The following SPATA16 variants were observed in gnomAD, a reference collection of about 807,000 sequenced individuals.
SPATA16 encodes the protein spermatogenesis-associated protein 16.
Under a neutral mutation model 63.3 loss-of-function variants are expected in SPATA16, and 36 were observed. That is an observed-to-expected ratio of 0.57 (90% CI 0.44 to 0.75). SPATA16 has a LOEUF of 0.75. SPATA16 is among the 30% of genes least tolerant of loss of function. The pLI, the probability that SPATA16 is intolerant of heterozygous loss-of-function variation, is 0.00. For synonymous variants in SPATA16, 203 were observed against 216.7 expected (o/e 0.94, Z 0.56); for missense variants, 646 against 679.3 (o/e 0.95, Z 0.54).
At chr3:172,906,268 T>C (rs1419811857) in intron 10 of SPATA16, among the ~76,000 whole-genome samples, 1 of 152,182 alleles carries the variant, frequency 6.6e-6, no homozygotes, top group Non-Finnish European at 1.5e-5. Flanking sequence ...GGACACATCA[T>C]GCTTCTCAGA....
At chr3:173,140,771 A>G (rs1215800647) in intron 1 of SPATA16, among the ~76,000 whole-genome samples, 3 of 152,174 alleles carry the variant, frequency 2.0e-5, no homozygotes, top group African/African-American at 4.8e-5. Flanking sequence ...ATAAAGCAAA[A>G]CAAAACAAAA....
intron 5 of SPATA16, among the ~76,000 whole-genome samples, chr3:172,968,409 T>C (rs1356062560): frequency 6.6e-6 from 1 of 152,184 alleles, no homozygotes; most frequent in Non-Finnish European, 1.5e-5. Context: ...AATGCTCAAC[T>C]CATTTTCGAA....
At chr3:173,136,769 G>A (rs545723887) in intron 1 of SPATA16, among the ~76,000 whole-genome samples, 1 of 152,230 alleles carries the variant, frequency 6.6e-6, no homozygotes, top group African/African-American at 2.4e-5. Flanking sequence ...AATGACCGCA[G>A]GCTCAGCCTT....
intron 1 of SPATA16, among the ~76,000 whole-genome samples, chr3:173,126,511 T>C (rs927200464): frequency 6.6e-6 from 1 of 152,204 alleles, no homozygotes; most frequent in Non-Finnish European, 1.5e-5. Context: ...GTAAAAGTGA[T>C]CCAAGTTTCT....
At chr3:172,890,162 G>T (rs566487384) in intron 10 of SPATA16, among the ~76,000 whole-genome samples, 1 of 152,238 alleles carries the variant, frequency 6.6e-6, no homozygotes, top group Non-Finnish European at 1.5e-5. Context: ...ATGAGTATTT[G>T]TATAGTCTTG....
intron 8 of SPATA16, among the ~76,000 whole-genome samples, chr3:172,917,786 A>G (rs1289090397): frequency 2.0e-5 from 3 of 152,236 alleles, no homozygotes; most frequent in Admixed American, 2.0e-4. Flanking sequence ...AATCTCCTCT[A>G]AGGAGAAAAA....
At chr3:172,893,248 C>T (rs1285421751) in intron 10 of SPATA16, among the ~76,000 whole-genome samples, 2 of 152,154 alleles carry the variant, frequency 1.3e-5, no homozygotes, top group Non-Finnish European at 2.9e-5. Flanking sequence ...AAAATGAGGT[C>T]CTTAGGGTGG....
In SPATA16 at chr3:173,010,470, GTT is replaced by G. The variant is rs1491293196; in HGVS notation, c.848+9014_848+9015del. 1.8e-3 allele frequency among the ~76,000 whole-genome samples: 266 copies of G among 146,820 alleles called. 2 individuals carry two copies. The highest frequency in any genetic ancestry group is 6.2e-3 in the African/African-American group (246 of 39,374). ...TGTGTGTGTGTGTGTGTGTGTGTGTGTTTGTTTTTGTTTTTGTGGTGGGGCTC... is the reference window on the plus strand; with the variant it reads ...TGTGTGTGTGTGTGTGTGTGTGTGTGTGTTTTTGTTTTTGTGGTGGGGCTC... On this transcript the variant is annotated intron_variant, in intron 4 of 10. Coordinates refer to ENST00000351008, the MANE Select transcript of SPATA16 (RefSeq NM_031955.6).
intron 4 of SPATA16, among the ~76,000 whole-genome samples, chr3:172,999,893 T>C (rs1734777765): frequency 6.6e-6 from 1 of 152,246 alleles, no homozygotes; most frequent in Non-Finnish European, 1.5e-5. Context: ...TTATATTTAG[T>C]TTCCTTGATT....
chr3:172,909,114 A>C (rs1462011302), intron 10 of SPATA16, among the ~76,000 whole-genome samples: 1 of 152,146 alleles, frequency 6.6e-6, no homozygotes. Context: ...CTAGATACCC[A>C]GTGGTTGGGT....
intron 4 of SPATA16, among the ~76,000 whole-genome samples, chr3:172,998,541 T>C (rs1299529652): frequency 6.6e-6 from 1 of 152,186 alleles, no homozygotes. Context: ...TTCCATTTCT[T>C]GTCTTATTGT....
chr3:173,043,973 T>C (rs1735903881), intron 3 of SPATA16, among the ~76,000 whole-genome samples: 1 of 152,160 alleles, frequency 6.6e-6, no homozygotes, highest in Non-Finnish European at 1.5e-5. Context: ...CAGTGATTTG[T>C]ATCATTGTTC....
At chr3:173,089,184 TC>T (rs1226705057) in intron 2 of SPATA16, among the ~76,000 whole-genome samples, 1 of 152,120 alleles carries the variant, frequency 6.6e-6, no homozygotes, top group Non-Finnish European at 1.5e-5. Flanking sequence ...TCAGAATACA[TC>T]CATAGAGAAT....
At chr3:173,068,275 AACT>A (rs1267651140) in intron 2 of SPATA16, among the ~76,000 whole-genome samples, 1 of 152,226 alleles carries the variant, frequency 6.6e-6, no homozygotes, top group Non-Finnish European at 1.5e-5. Flanking sequence ...CAAAAATAAT[AACT>A]ACAACTACTA....
chr3:173,051,234 G>C (rs1229326192), intron 2 of SPATA16, among the ~76,000 whole-genome samples: 1 of 151,976 alleles, frequency 6.6e-6, no homozygotes, highest in Non-Finnish European at 1.5e-5. Flanking sequence ...ACAGAGTCTG[G>C]CTGTGTCTCC....
intron 10 of SPATA16, among the ~76,000 whole-genome samples, chr3:172,890,073 G>A (rs943815667): frequency 2.0e-5 from 3 of 152,090 alleles, no homozygotes; most frequent in Admixed American, 6.6e-5. Context: ...CAATAAGAGT[G>A]AAAACAAACA....
intron 10 of SPATA16, among the ~76,000 whole-genome samples, chr3:172,897,350 G>A (rs1055936481): frequency 7.9e-5 from 12 of 152,112 alleles, no homozygotes; most frequent in African/African-American, 2.6e-4. Context: ...CTTGATTACT[G>A]TAGCCATATA....
intron 10 of SPATA16, among the ~76,000 whole-genome samples, chr3:172,894,664 T>C (rs529626555): frequency 1.4e-4 from 21 of 152,326 alleles, no homozygotes; most frequent in Non-Finnish European, 1.9e-4. Context: ...AATTCATATG[T>C]TGAAATTCTA....
chr3:172,925,735 A>G (rs1732714504), intron 6 of SPATA16, among the ~76,000 whole-genome samples: 1 of 152,186 alleles, frequency 6.6e-6, no homozygotes, highest in African/African-American at 2.4e-5. Flanking sequence ...GCTAGATCAC[A>G]TGGTCATCTT....
Sources: gnomAD v4.1 joint callset for allele counts (sites outside exome capture counted in the v4.1 genomes callset) on GRCh38, gnomAD v4.1.1 for gene constraint, MANE v1.5 for transcripts, NCBI Gene and HGNC (gene_info 2026-07-23, HGNC 2026-07-21) for gene names.